The following CPN1 variants were observed in gnomAD, a reference collection of about 807,000 sequenced individuals.
CPN1 encodes the protein carboxypeptidase N subunit 1.
A neutral mutation model predicts 46.4 loss-of-function variants in CPN1; 37 were observed. The ratio of observed to expected loss-of-function variants is 0.80; its 90% CI spans 0.61 to 1.05. CPN1 has a LOEUF of 1.05. Ranked by LOEUF, CPN1 falls within the 50% of genes least tolerant of loss-of-function variation. The pLI is 0.00. For synonymous variants in CPN1, 224 were observed against 235.4 expected (o/e 0.95, Z 0.44); for missense variants, 563 against 602.6 (o/e 0.93, Z 0.69).
At chr10:100,072,037 C>G (rs2041488750) in intron 2 of CPN1, among the ~76,000 whole-genome samples, 1 of 152,064 alleles carries the variant, frequency 6.6e-6, no homozygotes, top group South Asian at 2.1e-4. Flanking sequence ...CACCTTTTGG[C>G]TATTGTTAAT....
chr10:100,043,310 G>T (rs1281139254), intron 8 of CPN1, among the ~76,000 whole-genome samples: 4 of 151,324 alleles, frequency 2.6e-5, no homozygotes, highest in African/African-American at 9.7e-5. Flanking sequence ...CAGGAGAACT[G>T]CTTGAACTCA....
chr10:100,073,460 A>G (rs2041497142), intron 2 of CPN1, among the ~76,000 whole-genome samples: 1 of 152,178 alleles, frequency 6.6e-6, no homozygotes, highest in Non-Finnish European at 1.5e-5. Context: ...TACTGCTGTA[A>G]CAAATTACCC....
At position 100,048,927 on chromosome 10, in the gene CPN1, A is replaced by T. The variant is rs1328464881; in HGVS notation, c.1112-51T>A. 9 of 1,434,748 alleles carry T rather than the reference A, an allele frequency of 6.3e-6. No individual in the cohort carries two copies. The South Asian group carries it at 8.0e-5, about 13-fold the overall frequency. 88.9% of individuals were successfully genotyped at this position (1,434,748 alleles called of 1,614,324 possible). A position where few individuals can be genotyped will look rare whatever the true frequency, so the allele number is the denominator to read the frequency against. Reference sequence around the variant, plus strand: ...GTCTACTGATTAAAAATCTGTCCCAAATAAGCTAGGGTTTTTATCTGACTA... The same window carrying T: ...GTCTACTGATTAAAAATCTGTCCCATATAAGCTAGGGTTTTTATCTGACTA... On this transcript the variant is annotated intron_variant, in intron 7 of 8. Coordinates refer to ENST00000370418, the MANE Select transcript of CPN1 (RefSeq NM_001308.3).
At chr10:100,055,994 G>A (rs763974859) in intron 6 of CPN1, among the ~76,000 whole-genome samples, 16 of 152,076 alleles carry the variant, frequency 1.1e-4, no homozygotes, top group South Asian at 6.2e-4. Context: ...CCTTATTTCC[G>A]TTCTTTTGAA....
chr10:100,043,976 A>C (rs2041293978), intron 8 of CPN1, among the ~76,000 whole-genome samples: 1 of 152,164 alleles, frequency 6.6e-6, no homozygotes, highest in South Asian at 2.1e-4. Context: ...CTGAAGAGGA[A>C]GGAGAGGGAG....
rs545623223 is a variant in CPN1, at chr10:100,061,000, C to T, written c.871+2614G>A. 6.7e-5 allele frequency among the ~76,000 whole-genome samples: 10 copies of T among 149,744 alleles called. No homozygotes were observed. In the Admixed American group the frequency reaches 6.7e-4, roughly 10 times the overall value. On this transcript the variant is annotated intron_variant, in intron 5 of 8. Coordinates refer to ENST00000370418, the MANE Select transcript of CPN1 (RefSeq NM_001308.3). Reference sequence around the variant, plus strand: ...GCCAGGCACAGAAAAACAGACTTTGCATGTTCTTTCTCATTTGTGGGAGCT... The same window carrying T: ...GCCAGGCACAGAAAAACAGACTTTGTATGTTCTTTCTCATTTGTGGGAGCT...
intron 3 of CPN1, among the ~76,000 whole-genome samples, chr10:100,068,416 T>A (rs1411729562): frequency 6.6e-6 from 1 of 151,992 alleles, no homozygotes; most frequent in Non-Finnish European, 1.5e-5. Flanking sequence ...GGTTTCACCA[T>A]GTTAGCCAGG....
At chr10:100,070,589 TC>T (rs1390269969) in intron 2 of CPN1, among the ~76,000 whole-genome samples, 2 of 152,168 alleles carry the variant, frequency 1.3e-5, no homozygotes, top group African/African-American at 4.8e-5. Context: ...ATTAGCTTAA[TC>T]AAATGATGTA....
chr10:100,054,469 A>G (rs1400114678), intron 6 of CPN1, 23 bp from the exon 7 acceptor site: 2 of 1,571,398 alleles, frequency 1.3e-6, no homozygotes, highest in South Asian at 2.2e-5. Context: ...GTATATAGTT[A>G]TGATCATAAA....
chr10:100,076,904 T>C (rs769949050), intron 1 of CPN1, among the ~76,000 whole-genome samples: 1 of 152,216 alleles, frequency 6.6e-6, no homozygotes, highest in Admixed American at 6.5e-5. Flanking sequence ...GCACCTGCTA[T>C]GTCTCATTCC....
chr10:100,056,722 T>TC (rs1283213518), intron 6 of CPN1, among the ~76,000 whole-genome samples: 2 of 151,624 alleles, frequency 1.3e-5, no homozygotes, highest in African/African-American at 4.9e-5. Flanking sequence ...GCTATCTTTT[T>TC]TTTTTTTTTA....
chr10:100,065,273 G>A lies in CPN1; in HGVS notation c.674C>T (p.Pro225Leu), dbSNP rs1401284081. 3.7e-6 allele frequency: 6 copies of A among 1,614,050 alleles called. No homozygotes were observed. Among genetic ancestry groups the A allele is most frequent in the African/African-American group, 1.3e-5 (1 of 74,994 alleles). Residue 225 changes from proline (P) to leucine (L), a missense_variant, in exon 4 of 9, where the codon CCG becomes CTG. Physicochemically the swap from Pro to Leu is moderately conservative, Grantham distance 98. Coordinates refer to ENST00000370418, the MANE Select transcript of CPN1 (RefSeq NM_001308.3). Reference protein sequence around the residue: ...LHGGAVVANYPYDKSFEHRVR... With the variant: ...LHGGAVVANYLYDKSFEHRVR... ...CCGGTGCTCAAAGGACTTGTCATAC[G>A]GGTAATTGGCCACCACCGCCCCTCC...
chr10:100,059,512 CTCAATA>C (rs1446696508), intron 5 of CPN1, among the ~76,000 whole-genome samples: 1 of 150,304 alleles, frequency 6.7e-6, no homozygotes, highest in Non-Finnish European at 1.5e-5. Flanking sequence ...TGAAAAGATG[CTCAATA>C]TCACTAATCA....
chr10:100,079,010 A>G (rs1018377257), intron 1 of CPN1, among the ~76,000 whole-genome samples: 1 of 152,170 alleles, frequency 6.6e-6, no homozygotes, highest in Non-Finnish European at 1.5e-5. Flanking sequence ...TCTGCCCGTC[A>G]TCTTTTCCTC....
Position 100,065,206 on chromosome 10 carries a change from G to C in CPN1, c.741C>G (p.Asp247Glu), listed in dbSNP as rs1236197965. Residue 247 changes from aspartate to glutamate, a missense_variant, in exon 4 of 9, where the codon GAC becomes GAG. Coordinates refer to ENST00000370418, the MANE Select transcript of CPN1 (RefSeq NM_001308.3). ...VRRTASTPTP[D>E]DKLFQKLAKV... The stretch of plus-strand genomic sequence containing the variant: ...CACATACCTTCTGGAAGAGCTTGTC[G>C]TCAGGCGTGGGGGTGCTGGCGGTGC... The C allele has an allele frequency of 2.5e-6, 4 of 1,613,516 alleles. No individual in the cohort carries two copies. In the South Asian group the frequency reaches 4.4e-5, roughly 18 times the overall value.
intron 8 of CPN1, among the ~76,000 whole-genome samples, chr10:100,044,851 C>T (rs993096142): frequency 5.9e-5 from 9 of 152,066 alleles, no homozygotes; most frequent in African/African-American, 2.2e-4. Flanking sequence ...GCTGGGATTA[C>T]AGGCATGAGC....
At chr10:100,063,523 T>C (rs777029890) in intron 5 of CPN1, 91 bp downstream of exon 5, 5 of 985,116 alleles carry the variant, frequency 5.1e-6, no homozygotes, top group Non-Finnish European at 8.2e-6. Flanking sequence ...TCTATGCTAT[T>C]CCCATTGTTT....
Position 100,057,141 on chromosome 10 carries a change from A to G in CPN1, c.883T>C (p.Phe295Leu), listed in dbSNP as rs2041389028. The G allele has an allele frequency of 6.2e-7, 1 of 1,614,018 alleles. No individual in the cohort carries two copies. Among genetic ancestry groups the G allele is most frequent in the Non-Finnish European group, 8.5e-7 (1 of 1,180,020 alleles). ...WYSLSKGMQD[F>L]NYLHTNCFEI... ...AAGCAGTTGGTATGGAGATAATTAA[A>G]GTCTTGCATTCCTAAGGGAAAGAGG... The change falls in exon 6 of 9, where the codon TTT (phenylalanine) becomes CTT (leucine). Residue 295 changes from phenylalanine to leucine, a missense_variant. Phe to Leu is a conservative substitution (Grantham distance 22, BLOSUM62 0). Transcript: ENST00000370418.
intron 3 of CPN1, 130 bp downstream of exon 3, chr10:100,069,584 G>A (rs2041472885): frequency 2.9e-6 from 3 of 1,051,010 alleles, no homozygotes; most frequent in Non-Finnish European, 4.5e-6. Context: ...TGCTCTAGAT[G>A]GGTTAATACT....
Sources: gnomAD v4.1 joint callset for allele counts (sites outside exome capture counted in the v4.1 genomes callset) on GRCh38, gnomAD v4.1.1 for gene constraint, MANE v1.5 for transcripts, NCBI Gene and HGNC (gene_info 2026-07-23, HGNC 2026-07-21) for gene names.